PLA2G4A: variants seen among roughly 807,000 people sequenced by gnomAD.
PLA2G4A encodes phospholipase A2 group IVA, also known as cytosolic phospholipase A2.
In PLA2G4A, 40 loss-of-function variants were observed where a neutral mutation model predicts 81.9. The observed-to-expected ratio is 0.49, with a 90% CI of 0.38 to 0.64. The LOEUF (loss-of-function observed/expected upper bound fraction) is 0.64. Among genes scored for constraint, PLA2G4A ranks in the 30% least tolerant of loss-of-function variants. PLA2G4A has a pLI of 0.00. For synonymous variants in PLA2G4A, 302 were observed against 296.9 expected, an observed-to-expected ratio of 1.02 and a Z score of -0.18; for missense variants, 715 against 905.1, an observed-to-expected ratio of 0.79 and a Z score of 2.69.
chr1:186,901,002 G>A (rs982674997), intron 5 of PLA2G4A, among the ~76,000 whole-genome samples: 2 of 152,142 alleles, frequency 1.3e-5, no homozygotes, highest in African/African-American at 4.8e-5. Flanking sequence ...AAAAAAAGAA[G>A]GGAGTTTTTA....
chr1:186,986,737 C>T (rs1160959814), intron 17 of PLA2G4A, among the ~76,000 whole-genome samples: 4 of 152,282 alleles, frequency 2.6e-5, no homozygotes, highest in African/African-American at 9.6e-5. Flanking sequence ...CCACAAAACC[C>T]CAAATTAGTA....
At chr1:186,912,852 T>G (rs966913475) in intron 7 of PLA2G4A, among the ~76,000 whole-genome samples, 1 of 146,638 alleles carries the variant, frequency 6.8e-6, no homozygotes, top group Non-Finnish European at 1.5e-5. Flanking sequence ...TGTATTTGTA[T>G]ATAATATATA....
At position 186,956,173 on chromosome 1, in the gene PLA2G4A, A is replaced by C. The variant is rs548763115; in HGVS notation, c.1408A>C (p.Met470Leu). 82 of 1,613,498 alleles carry C rather than the reference A, an allele frequency of 5.1e-5. No homozygotes were observed. The highest frequency in any genetic ancestry group is 6.9e-5 in the Non-Finnish European group (81 of 1,179,544). Residue 470 changes from methionine to leucine, a missense_variant, in exon 14 of 18, where the codon ATG becomes CTG. Coordinates refer to ENST00000367466, the MANE Select transcript of PLA2G4A (RefSeq NM_024420.3). The part of the protein sequence containing the change: ...NQASWIHRMI[M>L]ALVSDSALFN... ...AGCAAGTTGGATTCATCGTATGATAATGGCCTTGGTGAGTGATTCAGCTTT... is the reference window on the plus strand; with the variant it reads ...AGCAAGTTGGATTCATCGTATGATACTGGCCTTGGTGAGTGATTCAGCTTT...
intron 17 of PLA2G4A, among the ~76,000 whole-genome samples, chr1:186,985,168 A>G (rs1434888128): frequency 6.6e-6 from 1 of 152,164 alleles, no homozygotes; most frequent in Non-Finnish European, 1.5e-5. Flanking sequence ...TCATATGGTT[A>G]TTCTTCTACA....
intron 17 of PLA2G4A, among the ~76,000 whole-genome samples, chr1:186,983,279 C>G (rs1390302209): frequency 6.6e-6 from 1 of 152,150 alleles, no homozygotes; most frequent in Non-Finnish European, 1.5e-5. Context: ...TGTAGACCAT[C>G]AGAGTTCTTT....
intron 13 of PLA2G4A, among the ~76,000 whole-genome samples, chr1:186,952,434 A>C (rs1407961180): frequency 6.6e-6 from 1 of 152,150 alleles, no homozygotes; most frequent in Non-Finnish European, 1.5e-5. Context: ...GGCTCAAAGC[A>C]AAACTGAGCA....
rs527532590 is a variant in PLA2G4A, at chr1:186,958,870, C to T, written c.1579+2526C>T. 4.6e-5 allele frequency among the ~76,000 whole-genome samples: 7 copies of T among 152,218 alleles called. No homozygotes were observed. In the East Asian group the frequency reaches 9.6e-4, roughly 21 times the overall value. ...GGTGTTGGGGTTACCAGATAAAATA[C>T]AGAATACCCAGTTAGATTTGAATTT... On this transcript the variant is annotated intron_variant, in intron 14 of 17. Transcript: ENST00000367466.
At chr1:186,876,806 T>G (rs1195045394) in intron 3 of PLA2G4A, among the ~76,000 whole-genome samples, 3 of 152,088 alleles carry the variant, frequency 2.0e-5, no homozygotes, top group Non-Finnish European at 4.4e-5. Context: ...CTTCTAAAAC[T>G]TGTAGAAACT....
chr1:186,879,529 G>A lies in PLA2G4A; in HGVS notation c.115+9013G>A, dbSNP rs1049708028. 5.9e-5 allele frequency among the ~76,000 whole-genome samples: 9 copies of A among 151,930 alleles called. No individual in the cohort carries two copies. In the East Asian group the frequency reaches 1.7e-3, roughly 29 times the overall value. On this transcript the variant is annotated intron_variant, in intron 3 of 17. Coordinates refer to ENST00000367466, the MANE Select transcript of PLA2G4A (RefSeq NM_024420.3). ...CAAGGACTCTGAAACTGTCTTGCTT[G>A]GGTTCAAATCTCCCTTCTGCTACTT... is the stretch of plus-strand genomic sequence containing the variant.
chr1:186,848,686 T>C (rs1652270408), intron 1 of PLA2G4A, among the ~76,000 whole-genome samples: 1 of 151,980 alleles, frequency 6.6e-6, no homozygotes, highest in Admixed American at 6.6e-5. Flanking sequence ...GTTTGTTTAC[T>C]CTCTAGTTAT....
chr1:186,840,543 C>T (rs940513316), intron 1 of PLA2G4A, among the ~76,000 whole-genome samples: 5 of 152,176 alleles, frequency 3.3e-5, no homozygotes, highest in African/African-American at 1.2e-4. Flanking sequence ...TGTGCTTCCG[C>T]AATTCCTGAT....
At chr1:186,849,864 T>C (rs1652312054) in intron 1 of PLA2G4A, among the ~76,000 whole-genome samples, 2 of 152,112 alleles carry the variant, frequency 1.3e-5, no homozygotes, top group South Asian at 4.1e-4. Context: ...TTGAACAATG[T>C]TTGACACATG....
chr1:186,962,899 A>C (rs773738409), intron 14 of PLA2G4A, among the ~76,000 whole-genome samples: 2 of 152,200 alleles, frequency 1.3e-5, no homozygotes, highest in Non-Finnish European at 2.9e-5. Flanking sequence ...TAATAGTGTC[A>C]CACCGTGCTT....
At position 186,950,748 on chromosome 1, in the gene PLA2G4A, T is replaced by G. The variant is rs1203124651; in HGVS notation, c.1336+20T>G. On this transcript the variant is annotated intron_variant, in intron 13 of 17. Transcript: ENST00000367466. ...CCAAAGGTGAGTGAGCCGGAAACTT[T>G]TCTGGCCCAGATCCATGAGGAAAGG... 1 of 1,417,214 alleles carries G rather than the reference T, an allele frequency of 7.1e-7. No individual in the cohort carries two copies. The highest frequency in any genetic ancestry group is 1.0e-6 in the Non-Finnish European group (1 of 1,000,498). The allele number at this position is 1,417,214 out of a possible 1,614,324, so 87.8% of individuals were successfully genotyped here. A position where few individuals can be genotyped will look rare whatever the true frequency, so the allele number is the denominator to read the frequency against.
chr1:186,922,893 G>T lies in PLA2G4A; in HGVS notation c.559-9870G>T, dbSNP rs145594832. 5.9e-3 allele frequency among the ~76,000 whole-genome samples: 891 copies of T among 152,296 alleles called. 13 individuals are homozygous for T. Among genetic ancestry groups the T allele is most frequent in the African/African-American group, 0.021 (863 of 41,556 alleles). The stretch of plus-strand genomic sequence containing the variant: ...GGGGTTACGTGACGGGGGGCTGCAT[G>T]CACTGGTAATTAGAACAGAACAGAA... On this transcript the variant is annotated intron_variant, in intron 7 of 17. Transcript: ENST00000367466.
intron 15 of PLA2G4A, among the ~76,000 whole-genome samples, chr1:186,970,204 T>A (rs1390269726): frequency 1.3e-5 from 2 of 152,128 alleles, no homozygotes; most frequent in Non-Finnish European, 2.9e-5. Context: ...GGCATTTGTA[T>A]GTCTTCTTTT....
intron 13 of PLA2G4A, 148 bp from the exon 14 acceptor site, chr1:186,955,954 A>C (rs1656734495): frequency 1.5e-6 from 1 of 661,144 alleles, no homozygotes; most frequent in South Asian, 1.5e-5. Flanking sequence ...GTTGGCCAGG[A>C]TGGTCTCAAT....
chr1:186,888,872 A>G (rs991664661), intron 3 of PLA2G4A, among the ~76,000 whole-genome samples: 6 of 151,934 alleles, frequency 3.9e-5, no homozygotes, highest in African/African-American at 1.5e-4. Context: ...CATTGGCCTT[A>G]TGAGAAAAAT....
At chr1:186,984,006 T>C (rs1351437068) in intron 17 of PLA2G4A, among the ~76,000 whole-genome samples, 1 of 152,210 alleles carries the variant, frequency 6.6e-6, no homozygotes, top group African/African-American at 2.4e-5. Context: ...TAATTATTAG[T>C]GTTCATAGTT....
Sources: allele counts gnomAD v4.1 joint callset (sites outside exome capture counted in the v4.1 genomes callset), GRCh38; gene constraint gnomAD v4.1.1; transcripts MANE v1.5; gene names NCBI Gene and HGNC (gene_info 2026-07-23, HGNC 2026-07-21).